The following ARID5B variants were observed in gnomAD, a reference collection of about 807,000 sequenced individuals.
The protein encoded by ARID5B is AT-rich interaction domain 5B, also known as AT-rich interactive domain-containing protein 5B.
Under a neutral mutation model 97.2 loss-of-function variants are expected in ARID5B, and 13 were observed. That is an observed-to-expected ratio of 0.13 (90% CI 0.09 to 0.21). The LOEUF (loss-of-function observed/expected upper bound fraction) is 0.21. ARID5B is among the 10% of genes least tolerant of loss of function. The pLI is 1.00. For synonymous variants in ARID5B, 556 were observed against 570.3 expected, an observed-to-expected ratio of 0.97 and a Z score of 0.36; for missense variants, 1,210 against 1,465.3, an observed-to-expected ratio of 0.83 and a Z score of 2.84.
At chr10:61,908,458 C>A (rs1326124316) in intron 2 of ARID5B, among the ~76,000 whole-genome samples, 1 of 152,070 alleles carries the variant, frequency 6.6e-6, no homozygotes, top group African/African-American at 2.4e-5. Context: ...CATTAAATTT[C>A]TCAGATGTTG....
chr10:61,943,196 TGAG>T (rs1246838827), intron 3 of ARID5B, among the ~76,000 whole-genome samples: 3 of 152,232 alleles, frequency 2.0e-5, no homozygotes, highest in African/African-American at 7.2e-5. Context: ...GGATTTATAT[TGAG>T]GAGATAGGGG....
chr10:62,009,017 T>C (rs1839182744), intron 4 of ARID5B, among the ~76,000 whole-genome samples: 1 of 152,256 alleles, frequency 6.6e-6, no homozygotes, highest in South Asian at 2.1e-4. Context: ...AGCACATAAA[T>C]CATTTCCCTT....
At position 62,092,820 on chromosome 10, in the gene ARID5B, G is replaced by A; in HGVS notation, c.3357G>A (p.Leu1119=). ...QTVLSPLMQP[L]AFHSLVMQRG... ...TGCTTTCTCCACTCATGCAGCCCCT[G>A]GCTTTCCACTCGCTTGTGATGCAAA... The change falls in exon 10 of 10, where the codon CTG becomes CTA. Residue 1119 remains leucine (L), a synonymous_variant. Transcript: ENST00000279873. The A allele has an allele frequency of 6.2e-7, 1 of 1,614,182 alleles. No individual in the cohort carries two copies. Among genetic ancestry groups the A allele is most frequent in the Non-Finnish European group, 8.5e-7 (1 of 1,180,038 alleles).
Position 62,079,105 on chromosome 10 carries a change from C to T in ARID5B, c.1200-6597C>T, listed in dbSNP as rs78489150. 5.7e-3 allele frequency among the ~76,000 whole-genome samples: 872 copies of T among 152,326 alleles called. 5 individuals carry two copies. Among genetic ancestry groups the T allele is most frequent in the African/African-American group, 0.019 (797 of 41,568 alleles). On this transcript the variant is annotated intron_variant, in intron 8 of 9. Transcript: ENST00000279873. ...AAGGAGAATGCTCACTCCAGTTTCTCAGGTAACTCCTTAGGAGCTAGGAAT... is the reference window on the plus strand; with the variant it reads ...AAGGAGAATGCTCACTCCAGTTTCTTAGGTAACTCCTTAGGAGCTAGGAAT...
intron 2 of ARID5B, among the ~76,000 whole-genome samples, chr10:61,905,643 C>A (rs557997677): frequency 6.6e-6 from 1 of 152,242 alleles, no homozygotes; most frequent in South Asian, 2.1e-4. Context: ...GAAACCTACC[C>A]TTGAAAGCAG....
At chr10:62,084,729 G>A (rs556153005) in intron 8 of ARID5B, among the ~76,000 whole-genome samples, 1 of 152,238 alleles carries the variant, frequency 6.6e-6, no homozygotes, top group South Asian at 2.1e-4. Context: ...CGTCGCAAAG[G>A]GAAAACAGAT....
At chr10:62,032,608 G>A (rs368066157) in intron 4 of ARID5B, among the ~76,000 whole-genome samples, 5 of 152,202 alleles carry the variant, frequency 3.3e-5, no homozygotes, top group East Asian at 1.9e-4. Flanking sequence ...CCAGCTGCTC[G>A]GGAGGCTGAG....
intron 4 of ARID5B, among the ~76,000 whole-genome samples, chr10:62,047,380 A>AT (rs1363987139): frequency 6.6e-6 from 1 of 152,234 alleles, no homozygotes; most frequent in African/African-American, 2.4e-5. Context: ...GAACTCTGTG[A>AT]TAAGCCAGGC....
chr10:62,011,986 A>G lies in ARID5B; in HGVS notation c.733+11665A>G, dbSNP rs1839223694. Among the ~76,000 whole-genome samples, 2 of 150,708 alleles carry G rather than the reference A, an allele frequency of 1.3e-5. 1 individual carries two copies. Among genetic ancestry groups the G allele is most frequent in the South Asian group, 4.2e-4 (2 of 4,782 alleles). ...GCTCCCCCTCCTTCATCCCCTTAGT[A>G]CCATATTTCAAGGAGGGGAAAAAAA... On this transcript the variant is annotated intron_variant, in intron 4 of 9. Coordinates refer to ENST00000279873, the MANE Select transcript of ARID5B (RefSeq NM_032199.3).
chr10:62,012,595 T>A (rs1839232330), intron 4 of ARID5B, among the ~76,000 whole-genome samples: 1 of 152,204 alleles, frequency 6.6e-6, no homozygotes, highest in Non-Finnish European at 1.5e-5. Context: ...GTGGTCAAGC[T>A]GGATTCCAGT....
chr10:62,091,072 G>C lies in ARID5B; in HGVS notation c.1609G>C (p.Gly537Arg), dbSNP rs1049293397. Reference sequence around the variant, plus strand: ...GGTGGCAGAGGAGGCGGGAGAGAAGGGGCCCACACCTCCACTCCCAAGTGC... The same window carrying C: ...GGTGGCAGAGGAGGCGGGAGAGAAGCGGCCCACACCTCCACTCCCAAGTGC... ...EKVAEEAGEKGPTPPLPSAPL... is the reference protein window; with the variant it reads ...EKVAEEAGEKRPTPPLPSAPL... Residue 537 changes from glycine to arginine, a missense_variant, in exon 10 of 10, where the codon GGG becomes CGG. By Grantham distance (125) the Gly-to-Arg change is moderately radical (BLOSUM62 -2). Coordinates refer to ENST00000279873, the MANE Select transcript of ARID5B (RefSeq NM_032199.3). 1.2e-6 allele frequency: 2 copies of C among 1,613,840 alleles called. No individual in the cohort carries two copies. The highest frequency in any genetic ancestry group is 1.7e-6 in the Non-Finnish European group (2 of 1,179,948).
chr10:61,919,111 G>A (rs943933911), intron 2 of ARID5B, among the ~76,000 whole-genome samples: 1 of 136,458 alleles, frequency 7.3e-6, no homozygotes, highest in African/African-American at 2.8e-5. Flanking sequence ...AAAATTAACT[G>A]AGATAGGAGT....
At chr10:61,948,683 C>T (rs1035267463) in intron 3 of ARID5B, among the ~76,000 whole-genome samples, 12 of 151,858 alleles carry the variant, frequency 7.9e-5, no homozygotes, top group African/African-American at 2.9e-4. Flanking sequence ...TTTTTTTATA[C>T]CATTTAACTC....
intron 8 of ARID5B, among the ~76,000 whole-genome samples, chr10:62,075,506 G>A (rs370745659): frequency 1.3e-5 from 2 of 152,190 alleles, no homozygotes; most frequent in African/African-American, 2.4e-5. Context: ...ACACTCTTCC[G>A]TGTGCTGAGC....
intron 2 of ARID5B, among the ~76,000 whole-genome samples, chr10:61,922,196 G>A (rs762248321): frequency 1.3e-5 from 2 of 152,338 alleles, no homozygotes; most frequent in Non-Finnish European, 2.9e-5. Context: ...ATTGCATTTG[G>A]AGAGTTTTGC....
intron 4 of ARID5B, among the ~76,000 whole-genome samples, chr10:62,045,469 C>T (rs1446320404): frequency 7.0e-5 from 10 of 142,960 alleles, no homozygotes; most frequent in Admixed American, 1.4e-4. Context: ...TTTTTTTAGA[C>T]GAAGTCTTGC....
chr10:62,013,349 G>A (rs550220622), intron 4 of ARID5B, among the ~76,000 whole-genome samples: 2 of 152,138 alleles, frequency 1.3e-5, no homozygotes, highest in East Asian at 1.9e-4. Flanking sequence ...TGTCTATCAT[G>A]TACAATGTGT....
chr10:61,988,765 A>T (rs1469528537), intron 3 of ARID5B, among the ~76,000 whole-genome samples: 1 of 152,106 alleles, frequency 6.6e-6, no homozygotes, highest in African/African-American at 2.4e-5. Context: ...CTCTAAAGAG[A>T]GCTATGCTGT....
chr10:62,041,481 A>G (rs1157644501), intron 4 of ARID5B, among the ~76,000 whole-genome samples: 1 of 152,250 alleles, frequency 6.6e-6, no homozygotes, highest in African/African-American at 2.4e-5. Flanking sequence ...AAGGTATAAA[A>G]GCACAAAGTG....
Sources: allele counts gnomAD v4.1 joint callset (sites outside exome capture counted in the v4.1 genomes callset), GRCh38; gene constraint gnomAD v4.1.1; transcripts MANE v1.5; gene names NCBI Gene and HGNC (gene_info 2026-07-23, HGNC 2026-07-21).